Variants in SECISBP2L observed in about 807,000 individuals in gnomAD.
SECISBP2L encodes the protein SECIS binding protein 2 like.
SECISBP2L carries 43 observed loss-of-function variants against 114.7 expected under a neutral mutation model. The ratio of observed to expected loss-of-function variants is 0.38; its 90% CI spans 0.29 to 0.48. The LOEUF (loss-of-function observed/expected upper bound fraction) is 0.48. Ranked by LOEUF, SECISBP2L falls within the 20% of genes least tolerant of loss-of-function variation. The pLI, the probability that SECISBP2L is intolerant of heterozygous loss-of-function variation, is 0.98. For synonymous variants in SECISBP2L, 451 were observed against 439.7 expected (o/e 1.03, Z -0.32); for missense variants, 1,136 against 1,301.1 (o/e 0.87, Z 1.95).
chr15:49,013,033 C>T, intron 11 of SECISBP2L: 1 of 494,028 alleles, frequency 2.0e-6, no homozygotes, highest in East Asian at 3.4e-5. Context: ...TTTAGAAGTC[C>T]ATTATAGGGG....
chr15:49,040,386 G>A (rs1052403593), intron 1 of SECISBP2L, among the ~76,000 whole-genome samples: 2 of 152,034 alleles, frequency 1.3e-5, no homozygotes, highest in Admixed American at 1.3e-4. Flanking sequence ...GGAACAGACT[G>A]GCAAACTTTC....
intron 1 of SECISBP2L, among the ~76,000 whole-genome samples, chr15:49,039,514 CTTT>C (rs200349293): frequency 6.9e-6 from 1 of 144,190 alleles, no homozygotes; most frequent in Non-Finnish European, 1.5e-5. Context: ...TTTAGGATTT[CTTT>C]TTTTTTTCTT....
Position 48,992,200 on chromosome 15 carries a change from G to A in SECISBP2L, c.*44C>T. The A allele has an allele frequency of 1.3e-6, 2 of 1,539,222 alleles. No individual in the cohort carries two copies. The highest frequency in any genetic ancestry group is 1.8e-6 in the Non-Finnish European group (2 of 1,139,182). On this transcript the variant is annotated 3_prime_UTR_variant, in exon 18 of 18. Transcript: ENST00000559471. ...AGATGAAGCATAAAAGGTAATGGCT[G>A]CAACCCTTCCACAGCTGGAGATAGA...
At position 49,035,438 on chromosome 15, in the gene SECISBP2L, C is replaced by G. The variant is rs1331710686; in HGVS notation, c.424G>C (p.Ala142Pro). ...CGCTCAGTGCATTCTGTGGTGATAGCATTTACAGTATTTGCAGCCTGAAAG... is the reference window on the plus strand; with the variant it reads ...CGCTCAGTGCATTCTGTGGTGATAGGATTTACAGTATTTGCAGCCTGAAAG... ...NTFQAANTVN[A>P]ITTECTERPS... Residue 142 changes from alanine to proline, a missense_variant, in exon 3 of 18, where the codon GCT becomes CCT. Coordinates refer to ENST00000559471, the MANE Select transcript of SECISBP2L (RefSeq NM_001193489.2). The G allele has an allele frequency of 6.2e-7, 1 of 1,614,158 alleles. No individual in the cohort carries two copies. The highest frequency in any genetic ancestry group is 1.1e-5 in the South Asian group (1 of 91,088).
At chr15:49,009,400 G>T in intron 13 of SECISBP2L, 22 bp from the exon 14 acceptor site, 2 of 1,590,662 alleles carry the variant, frequency 1.3e-6, no homozygotes. Flanking sequence ...TGGAGTGAAG[G>T]GAAAAAATTT....
chr15:49,028,549 G>A lies in SECISBP2L; in HGVS notation c.798C>T (p.Ala266=), dbSNP rs201031474. ...ESSSEQGASE[A]DIDSDSGYCS... ...AGTAACCACTATCACTGTCAATGTC[G>A]GCTTCACTAGCCCCCTGCTCACTAG... The change falls in exon 5 of 18, where the codon GCC becomes GCT. Residue 266 remains alanine, a synonymous_variant. Transcript: ENST00000559471. 2.2e-5 allele frequency: 35 copies of A among 1,613,972 alleles called. No individual in the cohort carries two copies. In the African/African-American group the frequency reaches 2.7e-4, roughly 12 times the overall value.
At chr15:48,999,744 TA>T in intron 16 of SECISBP2L, 88 bp downstream of exon 16, 1 of 1,417,188 alleles carries the variant, frequency 7.1e-7, no homozygotes, top group Non-Finnish European at 9.6e-7. Context: ...TTCAAATGCT[TA>T]AACATAACAC....
At position 48,992,919 on chromosome 15, in the gene SECISBP2L, A is replaced by G. The variant is rs372621671; in HGVS notation, c.2631T>C (p.Asn877=). 48 of 1,610,768 alleles carry G rather than the reference A, an allele frequency of 3.0e-5. No homozygotes were observed. Among genetic ancestry groups the G allele is most frequent in the African/African-American group, 8.0e-5 (6 of 74,724 alleles). Residue 877 remains asparagine, a synonymous_variant, in exon 18 of 18, where the codon AAT becomes AAC. Coordinates refer to ENST00000559471, the MANE Select transcript of SECISBP2L (RefSeq NM_001193489.2). ...CTGAAGTTTCCACCATGTTTCTCCA[A>G]TTTGTTTCTACAAGTATCAAGCAGA... ...SEVNEKEYET[N]WRNMVETSDG... is the part of the protein sequence containing the mutation.
intron 14 of SECISBP2L, among the ~76,000 whole-genome samples, chr15:49,001,384 G>A (rs1427667503): frequency 6.6e-6 from 1 of 151,214 alleles, no homozygotes; most frequent in East Asian, 1.9e-4. Context: ...CCATCACCTA[G>A]AAAAAGGCAC....
chr15:49,001,251 T>C (rs1345741901), intron 14 of SECISBP2L, among the ~76,000 whole-genome samples, 154 bp from the exon 15 acceptor site: 2 of 152,188 alleles, frequency 1.3e-5, no homozygotes, highest in Non-Finnish European at 2.9e-5. Context: ...TCTTAAATCC[T>C]TCAGTCATTT....
chr15:49,011,597 C>G, intron 13 of SECISBP2L, 134 bp downstream of exon 13: 1 of 1,067,894 alleles, frequency 9.4e-7, no homozygotes, highest in Non-Finnish European at 1.3e-6. Flanking sequence ...AGAAACCACT[C>G]TGAAGAATAA....
Position 49,011,883 on chromosome 15 carries a change from T to C in SECISBP2L, c.1732-20A>G, listed in dbSNP as rs772247879. On this transcript the variant is annotated intron_variant, in intron 12 of 17. Transcript: ENST00000559471. ...AATAACCTAAAAGTCATTACACTAG[T>C]CTTTAATTACAGATTACTCTTCAAC... The C allele has an allele frequency of 3.1e-6, 5 of 1,611,970 alleles. No individual in the cohort carries two copies. The East Asian group carries it at 8.9e-5, about 29-fold the overall frequency.
intron 7 of SECISBP2L, among the ~76,000 whole-genome samples, chr15:49,021,216 C>T (rs562217671): frequency 8.5e-5 from 13 of 152,194 alleles, no homozygotes; most frequent in African/African-American, 2.4e-4. Context: ...TACCAGACAT[C>T]GAATTTGCCA....
chr15:49,005,842 T>C (rs970366269), intron 14 of SECISBP2L, among the ~76,000 whole-genome samples: 2 of 152,116 alleles, frequency 1.3e-5, no homozygotes, highest in Non-Finnish European at 2.9e-5. Context: ...AGTTTCTTCA[T>C]AGTGTTGACG....
chr15:49,004,519 T>G lies in SECISBP2L; in HGVS notation c.2028-3422A>C, dbSNP rs1377053742. ...GCTTCTCTAGTTCTTTTAATTGTGA[T>G]GTAAGAGTGTTGATTTTAGATCTTT... On this transcript the variant is annotated intron_variant, in intron 14 of 17. Coordinates refer to ENST00000559471, the MANE Select transcript of SECISBP2L (RefSeq NM_001193489.2). 7.2e-5 allele frequency among the ~76,000 whole-genome samples: 11 copies of G among 152,216 alleles called. 1 individual carries two copies. Among genetic ancestry groups the G allele is most frequent in the Admixed American group, 7.2e-4 (11 of 15,284 alleles).
intron 7 of SECISBP2L, among the ~76,000 whole-genome samples, chr15:49,021,878 G>C (rs1288204272): frequency 1.3e-5 from 2 of 152,076 alleles, no homozygotes; most frequent in East Asian, 3.8e-4. Flanking sequence ...CTTTTTGTCA[G>C]CTCTTCTAAG....
intron 14 of SECISBP2L, among the ~76,000 whole-genome samples, chr15:49,006,942 T>C (rs1037340072): frequency 1.3e-5 from 2 of 152,224 alleles, no homozygotes; most frequent in Non-Finnish European, 2.9e-5. Flanking sequence ...TTATCTATCT[T>C]TGGTCTTTGA....
intron 7 of SECISBP2L, among the ~76,000 whole-genome samples, chr15:49,026,539 C>T (rs1268660882): frequency 2.6e-5 from 4 of 152,144 alleles, no homozygotes; most frequent in Admixed American, 2.6e-4. Flanking sequence ...TTCAGATGCT[C>T]TAAAATCCCA....
rs1901930324 is a variant in SECISBP2L, at chr15:48,989,652, T to C, written c.*2592A>G. 6.6e-6 allele frequency: 1 copy of C among 152,338 alleles called. No homozygotes were observed. The highest frequency in any genetic ancestry group is 1.5e-5 in the Non-Finnish European group (1 of 68,032). 9.4% of individuals were successfully genotyped at this position (152,338 alleles called of 1,614,324 possible). A position where few individuals can be genotyped will look rare whatever the true frequency, so the allele number is the denominator to read the frequency against. On this transcript the variant is annotated 3_prime_UTR_variant, in exon 18 of 18. Transcript: ENST00000559471. Reference sequence around the variant, plus strand: ...TCATATTTTAGTTAATATGCTTACATACTGAAATAGAAATCTATTATTAAT... The same window carrying C: ...TCATATTTTAGTTAATATGCTTACACACTGAAATAGAAATCTATTATTAAT...
Sources: allele counts gnomAD v4.1 joint callset (sites outside exome capture counted in the v4.1 genomes callset), GRCh38; gene constraint gnomAD v4.1.1; transcripts MANE v1.5; gene names NCBI Gene and HGNC (gene_info 2026-07-23, HGNC 2026-07-21).